The following GFM2 variants were observed in gnomAD, a reference collection of about 807,000 sequenced individuals.
The protein encoded by GFM2 is ribosome-releasing factor 2, mitochondrial.
A neutral mutation model predicts 95.4 loss-of-function variants in GFM2; 72 were observed. The ratio of observed to expected loss-of-function variants is 0.76; its 90% CI spans 0.62 to 0.92. The LOEUF (loss-of-function observed/expected upper bound fraction) is 0.92. Among genes scored for constraint, GFM2 ranks in the 40% least tolerant of loss-of-function variants. The probability of loss-of-function intolerance (pLI) is 0.00; values close to 1 mark genes in which losing one functional copy is unlikely to be tolerated. For synonymous variants in GFM2, 276 were observed against 317.5 expected (o/e 0.87, Z 1.39); for missense variants, 825 against 924.1 (o/e 0.89, Z 1.39).
At chr5:74,729,483 A>G (rs549406780) in intron 17 of GFM2, among the ~76,000 whole-genome samples, 118 of 152,300 alleles carry the variant, frequency 7.7e-4, no homozygotes, top group African/African-American at 2.7e-3. Context: ...CATTCTAGTC[A>G]GCTCAGACAT....
In GFM2 at chr5:74,722,435, GA is replaced by G; in HGVS notation, c.2154del (p.Gln719ArgfsTer15). ...ACAACTTTGTTGTCCTGGCGAGTCT[GA>G]ATTTCCTGAATGTTTCCTCTTCTTT... ...LAQRRGNIQEIQTRQDNKVVI... is the reference protein window; with the variant it reads ...LAQRRGNIQEXQTRQDNKVVI... On this transcript the variant is annotated frameshift_variant, in exon 20 of 21. Coordinates refer to ENST00000296805, the MANE Select transcript of GFM2 (RefSeq NM_032380.5). LOFTEE classifies it high-confidence loss of function. The G allele has an allele frequency of 6.2e-7, 1 of 1,613,960 alleles. No homozygotes were observed. Among genetic ancestry groups the G allele is most frequent in the Non-Finnish European group, 8.5e-7 (1 of 1,179,916 alleles).
intron 5 of GFM2, among the ~76,000 whole-genome samples, chr5:74,751,968 G>T (rs1308690193): frequency 6.6e-6 from 1 of 152,008 alleles, no homozygotes; most frequent in South Asian, 2.1e-4. Flanking sequence ...ATCCTTGCTG[G>T]GTTGTTATTA....
In GFM2 at chr5:74,738,657, T is replaced by C; in HGVS notation, c.1080-15A>G. ...TATACCACTGCCTATAAAATAAACA[T>C]TCCAAAAAGGCCTATAAAATACACT... On this transcript the variant is annotated splice_polypyrimidine_tract_variant and intron_variant, in intron 12 of 20. Coordinates refer to ENST00000296805, the MANE Select transcript of GFM2 (RefSeq NM_032380.5). The C allele has an allele frequency of 3.8e-6, 6 of 1,589,832 alleles. No homozygotes were observed. Among genetic ancestry groups the C allele is most frequent in the Non-Finnish European group, 5.1e-6 (6 of 1,171,048 alleles).
At chr5:74,727,305 A>G (rs1438465764) in intron 17 of GFM2, among the ~76,000 whole-genome samples, 1 of 152,232 alleles carries the variant, frequency 6.6e-6, no homozygotes, top group Admixed American at 6.5e-5. Flanking sequence ...TTCTGAAGCA[A>G]CCACTATCAT....
chr5:74,743,698 T>C (rs1347464688), intron 10 of GFM2, among the ~76,000 whole-genome samples: 1 of 152,198 alleles, frequency 6.6e-6, no homozygotes. Flanking sequence ...AATGAATTAT[T>C]AATAAACGTC....
At position 74,736,274 on chromosome 5, in the gene GFM2, C is replaced by A. The variant is rs193207594; in HGVS notation, c.1510+522G>T. Reference sequence around the variant, plus strand: ...GGAATCATGGGTTTTACATACCACACTAAAGAGTTTGGGTGTGTGCTAGAA... The same window carrying A: ...GGAATCATGGGTTTTACATACCACAATAAAGAGTTTGGGTGTGTGCTAGAA... On this transcript the variant is annotated intron_variant, in intron 15 of 20. Transcript: ENST00000296805. 8.0e-5 allele frequency: 50 copies of A among 628,280 alleles called. No homozygotes were observed. The East Asian group carries it at 5.7e-3, about 72-fold the overall frequency. 38.9% of individuals were successfully genotyped at this position (628,280 alleles called of 1,614,324 possible).
chr5:74,754,053 C>T (rs1743851009), intron 5 of GFM2, among the ~76,000 whole-genome samples: 1 of 152,140 alleles, frequency 6.6e-6, no homozygotes, highest in Non-Finnish European at 1.5e-5. Flanking sequence ...AATTTGGGTC[C>T]TACTTTAGCC....
At position 74,767,061 on chromosome 5, in the gene GFM2, T is replaced by TTTAG; in HGVS notation, c.-149_-148insCTAA. 5.1e-6 allele frequency: 2 copies of TTTAG among 391,968 alleles called. No individual in the cohort carries two copies. The highest frequency in any genetic ancestry group is 4.3e-5 in the East Asian group (1 of 23,102). The allele number at this position is 391,968 out of a possible 1,614,324, so 24.3% of individuals were successfully genotyped here. On this transcript the variant is annotated 5_prime_UTR_variant, in exon 1 of 21. Coordinates refer to ENST00000296805, the MANE Select transcript of GFM2 (RefSeq NM_032380.5). ...ACGCCAGCCTAGGCAAAAGGCAATG[T>TTTAG]ATCTAAACGAAAAGAAAATAGGCTT...
intron 19 of GFM2, among the ~76,000 whole-genome samples, chr5:74,725,409 T>A (rs1284932967): frequency 1.3e-5 from 2 of 152,156 alleles, no homozygotes; most frequent in Non-Finnish European, 2.9e-5. Flanking sequence ...TTTATCAGAG[T>A]ATATTCCAAT....
intron 20 of GFM2, 129 bp downstream of exon 20, chr5:74,722,250 C>T (rs964874557): frequency 1.4e-5 from 11 of 792,732 alleles, no homozygotes; most frequent in South Asian, 5.4e-5. Flanking sequence ...CTGGTTGAAA[C>T]GAAACTTAAC....
intron 5 of GFM2, among the ~76,000 whole-genome samples, chr5:74,756,526 T>C (rs908728916): frequency 1.3e-5 from 2 of 152,154 alleles, no homozygotes; most frequent in African/African-American, 4.8e-5. Flanking sequence ...AATTATTTCT[T>C]TTCCTCTGGG....
At chr5:74,738,724 C>G in intron 12 of GFM2, 82 bp from the exon 13 acceptor site, 1 of 1,335,514 alleles carries the variant, frequency 7.5e-7, no homozygotes, top group Middle Eastern at 2.0e-4. Flanking sequence ...CCCCAAAGAT[C>G]TATTTTATCT....
intron 8 of GFM2, 100 bp downstream of exon 8, chr5:74,747,592 A>G: frequency 1.4e-6 from 1 of 690,428 alleles, no homozygotes; most frequent in Non-Finnish European, 2.5e-6. Flanking sequence ...CTATAATACA[A>G]TAGGAAAAAA....
intron 10 of GFM2, among the ~76,000 whole-genome samples, chr5:74,743,800 G>A (rs925248989): frequency 3.3e-5 from 5 of 152,140 alleles, no homozygotes; most frequent in Admixed American, 6.5e-5. Flanking sequence ...ATTAACCTGG[G>A]TTCAGATTCT....
intron 17 of GFM2, among the ~76,000 whole-genome samples, chr5:74,729,677 TC>T (rs1208011538): frequency 3.5e-5 from 5 of 142,700 alleles, no homozygotes; most frequent in African/African-American, 1.4e-4. Flanking sequence ...ATCCTAAACG[TC>T]TTTTTTTTTT....
At position 74,747,698 on chromosome 5, in the gene GFM2, C is replaced by G. The variant is rs750459855; in HGVS notation, c.602G>C (p.Gly201Ala). The G allele has an allele frequency of 6.3e-7, 1 of 1,598,444 alleles. No individual in the cohort carries two copies. Among genetic ancestry groups the G allele is most frequent in the Non-Finnish European group, 8.6e-7 (1 of 1,166,166 alleles). ...ICFLNKMDKTGASFKYAVESI... is the reference protein window; with the variant it reads ...ICFLNKMDKTAASFKYAVESI... ...TGAAACACATTTCAAATACCTTGCT[C>G]CAGTTTTGTCCATCTTGTTTAAAAA... The change falls in exon 8 of 21, where the codon GGA becomes GCA. Residue 201 changes from glycine to alanine, a missense_variant. Transcript: ENST00000296805.
At chr5:74,732,893 G>C (rs1742640625) in intron 16 of GFM2, 129 bp downstream of exon 16, 1 of 470,802 alleles carries the variant, frequency 2.1e-6, no homozygotes, top group Admixed American at 3.8e-5. Flanking sequence ...TAAAAAGAAA[G>C]GTTTTTCTTT....
intron 16 of GFM2, among the ~76,000 whole-genome samples, chr5:74,732,128 A>ATTTTTTTT (rs533165001): frequency 1.6e-3 from 133 of 85,338 alleles, no homozygotes; most frequent in Middle Eastern, 0.011. Context: ...CTAATTTTTA[A>ATTTTTTTT]TTTTTTTTTT....
intron 10 of GFM2, among the ~76,000 whole-genome samples, chr5:74,742,270 A>C (rs898551301): frequency 7.9e-5 from 12 of 151,880 alleles, no homozygotes; most frequent in Non-Finnish European, 1.5e-5. Flanking sequence ...AAAAAAAAAA[A>C]ACCACACTGT....
Sources: gnomAD v4.1 joint callset for allele counts (sites outside exome capture counted in the v4.1 genomes callset) on GRCh38, gnomAD v4.1.1 for gene constraint, MANE v1.5 for transcripts, NCBI Gene and HGNC (gene_info 2026-07-23, HGNC 2026-07-21) for gene names.